THSD4: variants seen among roughly 807,000 people sequenced by gnomAD.
THSD4 encodes the protein thrombospondin type 1 domain containing 4.
Under a neutral mutation model 119.0 loss-of-function variants are expected in THSD4, and 69 were observed. The observed-to-expected ratio is 0.58, with a 90% confidence interval of 0.48 to 0.71. THSD4 has a LOEUF of 0.71. Ranked by LOEUF, THSD4 falls within the 30% of genes least tolerant of loss-of-function variation. The pLI, the probability that THSD4 is intolerant of heterozygous loss-of-function variation, is 0.00. For synonymous variants in THSD4, 524 were observed against 540.4 expected, an observed-to-expected ratio of 0.97 and a Z score of 0.42; for missense variants, 1,393 against 1,391.1, an observed-to-expected ratio of 1.00 and a Z score of -0.02.
intron 7 of THSD4, among the ~76,000 whole-genome samples, chr15:71,645,540 G>T (rs2050951884): frequency 6.6e-6 from 1 of 152,132 alleles, no homozygotes; most frequent in South Asian, 2.1e-4. Flanking sequence ...GGAAATCCTG[G>T]CTTGTCATCG....
At chr15:71,440,664 A>G (rs551240509) in intron 7 of THSD4, among the ~76,000 whole-genome samples, 1 of 152,182 alleles carries the variant, frequency 6.6e-6, no homozygotes, top group East Asian at 1.9e-4. Context: ...GAACTGGTTG[A>G]TCGTGACATC....
intron 11 of THSD4, chr15:71,738,247 C>T (rs1254617990): frequency 1.8e-6 from 1 of 548,180 alleles, no homozygotes; most frequent in Non-Finnish European, 3.2e-6. Context: ...CTTGCCTGCA[C>T]AGTTCACAAT....
intron 6 of THSD4, among the ~76,000 whole-genome samples, chr15:71,394,453 A>G (rs2046418453): frequency 6.6e-6 from 1 of 151,920 alleles, no homozygotes; most frequent in Non-Finnish European, 1.5e-5. Flanking sequence ...TTGTATTTTT[A>G]GTAGAGACGG....
chr15:71,360,623 A>G lies in THSD4; in HGVS notation c.1016-51064A>G, dbSNP rs779508490. ...ACTCGGACTCTCTCCCCGGCATCCA[A>G]TCCAATTGTGTATTTTGCTAGCATA... On this transcript the variant is annotated intron_variant, in intron 6 of 17. Coordinates refer to ENST00000261862, the MANE Select transcript of THSD4 (RefSeq NM_024817.3). Among the ~76,000 whole-genome samples the G allele has an allele frequency of 5.3e-5, 8 of 152,244 alleles. 1 individual carries two copies. In the East Asian group the frequency reaches 1.5e-3, roughly 29 times the overall value.
chr15:71,535,136 C>T (rs2048671419), intron 7 of THSD4, among the ~76,000 whole-genome samples: 1 of 152,138 alleles, frequency 6.6e-6, no homozygotes, highest in East Asian at 1.9e-4. Context: ...TCCCTATTTC[C>T]GCTCACCCTC....
At chr15:71,273,674 A>G (rs556220471) in intron 6 of THSD4, among the ~76,000 whole-genome samples, 2 of 152,216 alleles carry the variant, frequency 1.3e-5, no homozygotes, top group Non-Finnish European at 2.9e-5. Context: ...AATAAAATTT[A>G]AAAATACACA....
intron 7 of THSD4, among the ~76,000 whole-genome samples, chr15:71,447,362 G>T (rs79629647): frequency 6.6e-6 from 1 of 151,686 alleles, no homozygotes; most frequent in Admixed American, 6.6e-5. Flanking sequence ...CTCGTGATCC[G>T]CCACCTTGGC....
At chr15:71,756,146 G>A (rs926173007) in intron 14 of THSD4, among the ~76,000 whole-genome samples, 3 of 152,172 alleles carry the variant, frequency 2.0e-5, no homozygotes, top group African/African-American at 7.2e-5. Context: ...TTTTTAGCAT[G>A]GAGTTCTCAA....
rs138425970 is a variant in THSD4 at position 71,123,207 on chromosome 15, C to T, written c.-80+7509C>T. Among the ~76,000 whole-genome samples the T allele has an allele frequency of 2.9e-3, 448 of 152,284 alleles. 1 individual carries two copies. The highest frequency in any genetic ancestry group is 6.8e-3 in the Middle Eastern group (2 of 294). ...AAGGTCTTGGCTGCTTCTGAGATTG[C>T]GCTGCTGTGCGTTAGTGGTCCTGTG... On this transcript the variant is annotated intron_variant, in intron 1 of 17. Transcript: ENST00000261862.
At chr15:71,695,020 A>G (rs887892157) in intron 8 of THSD4, among the ~76,000 whole-genome samples, 1 of 152,068 alleles carries the variant, frequency 6.6e-6, no homozygotes, top group Non-Finnish European at 1.5e-5. Context: ...TTGAATTCAC[A>G]TCTCATTCTG....
At chr15:71,173,567 C>CACACAT (rs1022713970) in intron 3 of THSD4, among the ~76,000 whole-genome samples, 8 of 145,938 alleles carry the variant, frequency 5.5e-5, no homozygotes, top group African/African-American at 2.0e-4. Context: ...CACACACACA[C>CACACAT]ATATATATAT....
intron 6 of THSD4, among the ~76,000 whole-genome samples, chr15:71,352,168 G>T (rs963561734): frequency 5.9e-5 from 9 of 152,120 alleles, no homozygotes; most frequent in African/African-American, 1.4e-4. Flanking sequence ...TGTCCTCTTT[G>T]TCTTTTAACA....
At chr15:71,457,754 T>C (rs1371833827) in intron 7 of THSD4, among the ~76,000 whole-genome samples, 1 of 152,216 alleles carries the variant, frequency 6.6e-6, no homozygotes, top group African/African-American at 2.4e-5. Context: ...CCACCACCAC[T>C]GTACTCTACC....
chr15:71,461,859 C>T (rs2047432755), intron 7 of THSD4, among the ~76,000 whole-genome samples: 1 of 150,998 alleles, frequency 6.6e-6, no homozygotes, highest in Admixed American at 6.6e-5. Flanking sequence ...CAAAACTGAA[C>T]CTCTTTTTAC....
intron 7 of THSD4, among the ~76,000 whole-genome samples, chr15:71,606,636 G>A (rs923143277): frequency 6.6e-6 from 1 of 152,190 alleles, no homozygotes; most frequent in African/African-American, 2.4e-5. Flanking sequence ...CACCTCCCGG[G>A]TTCAAGCAAT....
chr15:71,412,114 G>A (rs1320665273), intron 7 of THSD4, among the ~76,000 whole-genome samples: 2 of 152,184 alleles, frequency 1.3e-5, no homozygotes, highest in Admixed American at 1.3e-4. Flanking sequence ...GTTGGATCTG[G>A]AGCTCCTTCT....
chr15:71,334,592 C>T (rs1446169025), intron 6 of THSD4, among the ~76,000 whole-genome samples: 1 of 152,212 alleles, frequency 6.6e-6, no homozygotes, highest in Non-Finnish European at 1.5e-5. Flanking sequence ...TGGACAATCC[C>T]CAAGGGCCAA....
At chr15:71,623,881 C>T (rs2050461829) in intron 7 of THSD4, among the ~76,000 whole-genome samples, 1 of 149,400 alleles carries the variant, frequency 6.7e-6, no homozygotes, top group African/African-American at 2.4e-5. Flanking sequence ...CGAGATGGCG[C>T]CATTGCCCTC....
intron 7 of THSD4, among the ~76,000 whole-genome samples, chr15:71,593,533 G>T (rs540597849): frequency 3.3e-5 from 5 of 151,812 alleles, no homozygotes; most frequent in Non-Finnish European, 7.4e-5. Context: ...TGGAGACAGT[G>T]TGACAAGGCA....
Sources: allele counts gnomAD v4.1 joint callset (sites outside exome capture counted in the v4.1 genomes callset), GRCh38; gene constraint gnomAD v4.1.1; transcripts MANE v1.5; gene names NCBI Gene and HGNC (gene_info 2026-07-23, HGNC 2026-07-21).